Variants in GALNT18 observed in about 807,000 individuals in gnomAD.
GALNT18 encodes GalNAc-transferase 18.
Under a neutral mutation model 69.5 loss-of-function variants are expected in GALNT18, and 44 were observed. That is an observed-to-expected ratio of 0.63 (90% CI 0.50 to 0.81). GALNT18 has a LOEUF of 0.81. GALNT18 is among the 40% of genes least tolerant of loss of function. GALNT18 has a pLI of 0.00. For synonymous variants in GALNT18, 364 were observed against 318.2 expected, an observed-to-expected ratio of 1.14 and a Z score of -1.53; for missense variants, 715 against 810.0, an observed-to-expected ratio of 0.88 and a Z score of 1.42.
At chr11:11,532,622 T>C (rs1857680833) in intron 1 of GALNT18, among the ~76,000 whole-genome samples, 1 of 152,244 alleles carries the variant, frequency 6.6e-6, no homozygotes, top group Admixed American at 6.5e-5. Context: ...AGCTGGTCAA[T>C]GCCTGTGCTC....
chr11:11,342,488 G>T (rs542777341), intron 6 of GALNT18, among the ~76,000 whole-genome samples: 1 of 152,186 alleles, frequency 6.6e-6, no homozygotes, highest in East Asian at 1.9e-4. Flanking sequence ...TGTTTTCCCT[G>T]TGTTAGTTAG....
Position 11,454,558 on chromosome 11 carries a change from A to G in GALNT18, c.236-5622T>C, listed in dbSNP as rs73404073. On this transcript the variant is annotated intron_variant, in intron 1 of 10. Transcript: ENST00000227756. This position sits in a 1 kb window ranked among gnomAD's most constrained non-coding sequence, Gnocchi z 4.2. The stretch of plus-strand genomic sequence containing the variant: ...CTCACCAAGTAAGGCTCAGAATCAA[A>G]AAGATTCCACTGAAGGGTCCAAACA... Among the ~76,000 whole-genome samples, 3,763 of 152,120 alleles carry G rather than the reference A, an allele frequency of 0.025. 148 individuals are homozygous for G. The highest frequency in any genetic ancestry group is 0.087 in the African/African-American group (3,589 of 41,460).
chr11:11,558,040 T>C (rs1226412930), intron 1 of GALNT18, among the ~76,000 whole-genome samples: 1 of 152,204 alleles, frequency 6.6e-6, no homozygotes, highest in Admixed American at 6.5e-5. Flanking sequence ...GGCACGCATC[T>C]CTGCCGCCTG....
rs1856131061 is a variant in GALNT18, at chr11:11,465,230, G to A, written c.236-16294C>T. On this transcript the variant is annotated intron_variant, in intron 1 of 10. Coordinates refer to ENST00000227756, the MANE Select transcript of GALNT18 (RefSeq NM_198516.3). The surrounding 1 kb of genome is among the most constrained non-coding windows in gnomAD (Gnocchi z 5.7). ...TCAGGGGAGGAAGGGATGTCAAGGA[G>A]GCCACATTGGCACCGGGAGCTGAAT... Among the ~76,000 whole-genome samples the A allele has an allele frequency of 6.6e-6, 1 of 152,148 alleles. No individual in the cohort carries two copies. Among genetic ancestry groups the A allele is most frequent in the South Asian group, 2.1e-4 (1 of 4,820 alleles).
rs1282832078 is a variant in GALNT18 at position 11,320,687 on chromosome 11, C to T, written c.1512+6399G>A. 1.3e-5 allele frequency among the ~76,000 whole-genome samples: 2 copies of T among 152,192 alleles called. No homozygotes were observed. Among genetic ancestry groups the T allele is most frequent in the Non-Finnish European group, 2.9e-5 (2 of 68,036 alleles). Reference sequence around the variant, plus strand: ...GGGAAGCCTTGCCAGACAGCAGCCCCTTACCTTTCACTCATCCCCTGCCCC... The same window carrying T: ...GGGAAGCCTTGCCAGACAGCAGCCCTTTACCTTTCACTCATCCCCTGCCCC... On this transcript the variant is annotated intron_variant, in intron 9 of 10. Transcript: ENST00000227756. This position sits in a 1 kb window ranked among gnomAD's most constrained non-coding sequence, Gnocchi z 4.9.
At chr11:11,319,789 A>G (rs76166390) in intron 9 of GALNT18, among the ~76,000 whole-genome samples, 4 of 152,212 alleles carry the variant, frequency 2.6e-5, no homozygotes, top group Non-Finnish European at 5.9e-5. Flanking sequence ...AAGGAGTTTT[A>G]ACGTCCCCCT....
At chr11:11,385,923 T>C (rs1040520917) in intron 3 of GALNT18, among the ~76,000 whole-genome samples, 6 of 151,864 alleles carry the variant, frequency 4.0e-5, no homozygotes, top group African/African-American at 1.5e-4. Flanking sequence ...AAAGAGTAGA[T>C]CTGGATGCAG....
chr11:11,282,020 A>G lies in GALNT18; in HGVS notation c.1678-10730T>C, dbSNP rs11823257. Among the ~76,000 whole-genome samples the G allele has an allele frequency of 6.9e-3, 1,054 of 152,198 alleles. 14 individuals carry two copies. Among genetic ancestry groups the G allele is most frequent in the African/African-American group, 0.021 (878 of 41,518 alleles). ...ACACATCTGGGATATGGACAGAGGG[A>G]CCAGGCCACCCTTTGATGCTGGAGC... On this transcript the variant is annotated intron_variant, in intron 10 of 10. Transcript: ENST00000227756.
chr11:11,417,949 T>C (rs886817671), intron 3 of GALNT18, among the ~76,000 whole-genome samples: 3 of 152,362 alleles, frequency 2.0e-5, no homozygotes, highest in Middle Eastern at 3.4e-3. Context: ...GAAAGATGCT[T>C]AGCTAAAACA....
In GALNT18 at chr11:11,427,275, G is replaced by C. The variant is rs371899790; in HGVS notation, c.595+5346C>G. Among the ~76,000 whole-genome samples, 9 of 152,338 alleles carry C rather than the reference G, an allele frequency of 5.9e-5. No homozygotes were observed. In the East Asian group the frequency reaches 1.7e-3, roughly 29 times the overall value. On this transcript the variant is annotated intron_variant, in intron 3 of 10. Transcript: ENST00000227756. ...CCTTCAGTCCCTGGCTTCTGAGCGAGAGCTAAAGGTCTAGAGAGGCTTGGA... is the reference window on the plus strand; with the variant it reads ...CCTTCAGTCCCTGGCTTCTGAGCGACAGCTAAAGGTCTAGAGAGGCTTGGA...
At chr11:11,453,896 G>T (rs1030044896) in intron 1 of GALNT18, among the ~76,000 whole-genome samples, 7 of 152,186 alleles carry the variant, frequency 4.6e-5, no homozygotes, top group Non-Finnish European at 1.0e-4. Flanking sequence ...CATGAGAACA[G>T]ACTAATATAG....
At chr11:11,299,975 C>T (rs1590020604) in intron 9 of GALNT18, among the ~76,000 whole-genome samples, 2 of 152,302 alleles carry the variant, frequency 1.3e-5, no homozygotes, top group South Asian at 4.1e-4. Context: ...ATTCTGGAGC[C>T]CTCACCAAGC....
intron 1 of GALNT18, among the ~76,000 whole-genome samples, chr11:11,472,214 TG>T (rs1164520660): frequency 2.0e-5 from 3 of 152,186 alleles, no homozygotes; most frequent in Non-Finnish European, 4.4e-5. Context: ...CTGCACTGCC[TG>T]GCTGGAGCAG....
At position 11,616,927 on chromosome 11, in the gene GALNT18, A is replaced by G. The variant is rs1018739349; in HGVS notation, c.235+4432T>C. 8.5e-5 allele frequency among the ~76,000 whole-genome samples: 13 copies of G among 152,268 alleles called. No individual in the cohort carries two copies. Among genetic ancestry groups the G allele is most frequent in the African/African-American group, 3.1e-4 (13 of 41,482 alleles). On this transcript the variant is annotated intron_variant, in intron 1 of 10. Transcript: ENST00000227756. The surrounding 1 kb of genome is among the most constrained non-coding windows in gnomAD (Gnocchi z 4.4). Reference sequence around the variant, plus strand: ...AAGGTTTTATAAACGGTAGTCAGTTAAAGAATAGCAATCAAATTACATGTG... The same window carrying G: ...AAGGTTTTATAAACGGTAGTCAGTTGAAGAATAGCAATCAAATTACATGTG...
At chr11:11,370,032 G>A (rs1045088293) in intron 6 of GALNT18, among the ~76,000 whole-genome samples, 7 of 151,902 alleles carry the variant, frequency 4.6e-5, no homozygotes, top group Non-Finnish European at 8.8e-5. Flanking sequence ...CGAGGTACAT[G>A]ACCTTGAGAT....
At chr11:11,451,211 T>C (rs1355775791) in intron 1 of GALNT18, among the ~76,000 whole-genome samples, 1 of 152,208 alleles carries the variant, frequency 6.6e-6, no homozygotes, top group Non-Finnish European at 1.5e-5. Flanking sequence ...CAAGCATGCA[T>C]GATCTTGAAG....
intron 1 of GALNT18, among the ~76,000 whole-genome samples, chr11:11,482,187 G>A (rs762074076): frequency 6.6e-5 from 10 of 152,344 alleles, no homozygotes; most frequent in Non-Finnish European, 1.5e-4. Context: ...TACTCAGGGT[G>A]AGAAAGAACA....
At chr11:11,464,739 C>A (rs895169645) in intron 1 of GALNT18, among the ~76,000 whole-genome samples, 8 of 152,216 alleles carry the variant, frequency 5.3e-5, no homozygotes, top group Admixed American at 3.3e-4. Context: ...AGTCACACTG[C>A]CTGAGTTTGG....
chr11:11,286,506 C>T (rs796314975), intron 10 of GALNT18, among the ~76,000 whole-genome samples: 4 of 151,612 alleles, frequency 2.6e-5, no homozygotes, highest in African/African-American at 4.8e-5. Flanking sequence ...TTTTTTTCTC[C>T]AGTGAGCATG....
Sources: allele counts gnomAD v4.1 joint callset (sites outside exome capture counted in the v4.1 genomes callset), GRCh38; gene constraint gnomAD v4.1.1; non-coding constraint Gnocchi (gnomAD v3.1); transcripts MANE v1.5; gene names NCBI Gene and HGNC (gene_info 2026-07-23, HGNC 2026-07-21).